KCTD16: variants seen among roughly 807,000 people sequenced by gnomAD.
KCTD16 encodes BTB/POZ domain-containing protein KCTD16.
A neutral mutation model predicts 33.2 loss-of-function variants in KCTD16; 13 were observed. That is an observed-to-expected ratio of 0.39 (90% CI 0.25 to 0.62). KCTD16 has a LOEUF of 0.62. Ranked by LOEUF, KCTD16 falls within the 20% of genes least tolerant of loss-of-function variation. The pLI is 0.50. For synonymous variants in KCTD16, 197 were observed against 195.3 expected (o/e 1.01, Z -0.07); for missense variants, 441 against 525.1 (o/e 0.84, Z 1.57).
At chr5:144,319,128 A>T (rs934068293) in intron 3 of KCTD16, among the ~76,000 whole-genome samples, 10 of 152,004 alleles carry the variant, frequency 6.6e-5, no homozygotes, top group African/African-American at 2.4e-4. Flanking sequence ...AATAATAAAA[A>T]TATTAATAAT....
intron 3 of KCTD16, among the ~76,000 whole-genome samples, chr5:144,417,349 T>C (rs1561600525): frequency 6.6e-6 from 1 of 152,184 alleles, no homozygotes. Context: ...GTGATTTTCA[T>C]TTGCATTTCC....
chr5:144,304,069 T>C (rs9324955), intron 3 of KCTD16, among the ~76,000 whole-genome samples: 18,194 of 152,008 alleles, frequency 0.12, 2,857 homozygotes, highest in African/African-American at 0.36. Context: ...ATTTTCTGGC[T>C]CTACAAAAAT....
chr5:144,362,614 G>A (rs1449246636), intron 3 of KCTD16, among the ~76,000 whole-genome samples: 3 of 152,116 alleles, frequency 2.0e-5, no homozygotes, highest in Non-Finnish European at 4.4e-5. Context: ...ATAATTATTG[G>A]TAATTATTTT....
chr5:144,337,425 C>T (rs573546120), intron 3 of KCTD16, among the ~76,000 whole-genome samples: 2 of 152,174 alleles, frequency 1.3e-5, no homozygotes, highest in Admixed American at 6.5e-5. Flanking sequence ...GTTTGTTCTA[C>T]TAATCTGTTG....
At position 144,452,015 on chromosome 5, in the gene KCTD16, C is replaced by T. The variant is rs561880171; in HGVS notation, c.833-21645C>T. On this transcript the variant is annotated intron_variant, in intron 3 of 3. Transcript: ENST00000512467. ...ATTTATCTAGTTCTGTTCTCTTTGG[C>T]GTTACAAACAGACATTTCTTACCTC... is the stretch of plus-strand genomic sequence containing the variant. 5.9e-5 allele frequency among the ~76,000 whole-genome samples: 9 copies of T among 151,770 alleles called. No individual in the cohort carries two copies. In the South Asian group the frequency reaches 1.9e-3, roughly 32 times the overall value.
At chr5:144,413,099 C>T (rs1168017432) in intron 3 of KCTD16, among the ~76,000 whole-genome samples, 1 of 152,092 alleles carries the variant, frequency 6.6e-6, no homozygotes, top group African/African-American at 2.4e-5. Flanking sequence ...TTTGCATGTA[C>T]CCTGAAAATG....
At chr5:144,444,478 A>T (rs1017295383) in intron 3 of KCTD16, among the ~76,000 whole-genome samples, 94 of 152,226 alleles carry the variant, frequency 6.2e-4, no homozygotes, top group African/African-American at 2.2e-3. Context: ...AGCTAAATTC[A>T]TCAAATTGTA....
chr5:144,377,865 A>G (rs914540167), intron 3 of KCTD16: 1 of 152,114 alleles, frequency 6.6e-6, no homozygotes, highest in Non-Finnish European at 1.5e-5. Context: ...ATTTTGTGCA[A>G]TTAGGTAGGT....
intron 3 of KCTD16, among the ~76,000 whole-genome samples, chr5:144,219,069 TC>T (rs1753652266): frequency 6.6e-6 from 1 of 152,130 alleles, no homozygotes; most frequent in African/African-American, 2.4e-5. Context: ...TCCTAACACA[TC>T]AGATCACCTC....
chr5:144,465,392 C>T (rs1405077658), intron 3 of KCTD16, among the ~76,000 whole-genome samples: 2 of 152,074 alleles, frequency 1.3e-5, no homozygotes, highest in African/African-American at 4.8e-5. Context: ...CACTATCCAG[C>T]GGGTTTTGCT....
rs1754712186 is a variant in KCTD16, at chr5:144,481,995, G to C, written c.*7881G>C. The C allele has an allele frequency of 6.6e-6, 1 of 151,864 alleles. No individual in the cohort carries two copies. Among genetic ancestry groups the C allele is most frequent in the Non-Finnish European group, 1.5e-5 (1 of 67,916 alleles). The allele number at this position is 151,864 out of a possible 1,614,324, so 9.4% of individuals were successfully genotyped here. On this transcript the variant is annotated 3_prime_UTR_variant, in exon 4 of 4. Coordinates refer to ENST00000512467, the MANE Select transcript of KCTD16 (RefSeq NM_020768.4). Reference sequence around the variant, plus strand: ...ACCACTATCCTCTCTTTACAGATGAGGTCAGTGAGGCTCAGAAAGATAAAG... The same window carrying C: ...ACCACTATCCTCTCTTTACAGATGACGTCAGTGAGGCTCAGAAAGATAAAG...
intron 3 of KCTD16, among the ~76,000 whole-genome samples, chr5:144,216,614 TG>T (rs1753570091): frequency 6.6e-6 from 1 of 151,712 alleles, no homozygotes; most frequent in Admixed American, 6.6e-5. Context: ...GGGACTGAGG[TG>T]GGTGGATTGC....
At chr5:144,256,007 T>C (rs1754835532) in intron 3 of KCTD16, among the ~76,000 whole-genome samples, 1 of 152,148 alleles carries the variant, frequency 6.6e-6, no homozygotes, top group Non-Finnish European at 1.5e-5. Context: ...TATTAACACT[T>C]TAAATACCAA....
intron 3 of KCTD16, among the ~76,000 whole-genome samples, chr5:144,423,088 G>A (rs1753246671): frequency 6.6e-6 from 1 of 152,164 alleles, no homozygotes; most frequent in African/African-American, 2.4e-5. Context: ...TCTCATCAGA[G>A]AGAAGTGTAA....
intron 3 of KCTD16, among the ~76,000 whole-genome samples, chr5:144,290,030 T>C (rs566434916): frequency 1.3e-5 from 2 of 152,260 alleles, no homozygotes; most frequent in African/African-American, 4.8e-5. Context: ...CCTGTAATCA[T>C]AGCACTTTGG....
intron 3 of KCTD16, among the ~76,000 whole-genome samples, chr5:144,392,391 C>T (rs1580926762): frequency 6.6e-6 from 1 of 152,162 alleles, no homozygotes; most frequent in Non-Finnish European, 1.5e-5. Context: ...ATTTAAGATG[C>T]TCAATCTCAT....
chr5:144,448,091 C>T (rs1460092876), intron 3 of KCTD16, among the ~76,000 whole-genome samples: 3 of 148,852 alleles, frequency 2.0e-5, no homozygotes, highest in Non-Finnish European at 2.9e-5. Context: ...ATAGTCCATG[C>T]TTCAGTCATA....
intron 3 of KCTD16, among the ~76,000 whole-genome samples, chr5:144,356,435 A>G (rs1416489029): frequency 2.0e-5 from 3 of 151,998 alleles, no homozygotes; most frequent in African/African-American, 7.2e-5. Context: ...CATGAAACCC[A>G]TCTAAATTTC....
intron 3 of KCTD16, chr5:144,383,121 T>C (rs1288922714): frequency 6.6e-6 from 1 of 152,152 alleles, no homozygotes; most frequent in Non-Finnish European, 1.5e-5. Flanking sequence ...CCATTTCACC[T>C]TCCCTGGTAC....
Sources: allele counts gnomAD v4.1 joint callset (sites outside exome capture counted in the v4.1 genomes callset), GRCh38; gene constraint gnomAD v4.1.1; transcripts MANE v1.5; gene names NCBI Gene and HGNC (gene_info 2026-07-23, HGNC 2026-07-21).